MYO3B: variants seen among roughly 807,000 people sequenced by gnomAD.
MYO3B encodes myosin-IIIb.
In MYO3B, 156 loss-of-function variants were observed where a neutral mutation model predicts 174.6. That is an observed-to-expected ratio of 0.89 (90% confidence interval 0.78 to 1.02). The LOEUF (loss-of-function observed/expected upper bound fraction) is 1.02. Among genes scored for constraint, MYO3B ranks in the 50% least tolerant of loss-of-function variants. The pLI is 0.00. For synonymous variants in MYO3B, 563 were observed against 569.1 expected (o/e 0.99, Z 0.15); for missense variants, 1,632 against 1,639.4 (o/e 1.00, Z 0.08).
At position 170,386,132 on chromosome 2, in the gene MYO3B, A is replaced by G. The variant is rs942341428; in HGVS notation, c.1291-57A>G. 7 of 1,434,878 alleles carry G rather than the reference A, an allele frequency of 4.9e-6. No individual in the cohort carries two copies. The Admixed American group carries it at 6.8e-5, about 14-fold the overall frequency. 88.9% of individuals were successfully genotyped at this position (1,434,878 alleles called of 1,614,324 possible). A position where few individuals can be genotyped will look rare whatever the true frequency, so the allele number is the denominator to read the frequency against. ...TACAGTAGTGGATGTTATATGAAGCATGCAAGTTGCTTCTGTGCTATAAAT... is the reference window on the plus strand; with the variant it reads ...TACAGTAGTGGATGTTATATGAAGCGTGCAAGTTGCTTCTGTGCTATAAAT... On this transcript the variant is annotated intron_variant, in intron 12 of 34. Coordinates refer to ENST00000408978, the MANE Select transcript of MYO3B (RefSeq NM_138995.5).
intron 3 of MYO3B, among the ~76,000 whole-genome samples, chr2:170,211,603 A>T (rs192407391): frequency 9.1e-4 from 139 of 152,348 alleles, no homozygotes; most frequent in African/African-American, 3.2e-3. Context: ...GAAAAAGGCT[A>T]AGCGTTGTTC....
intron 8 of MYO3B, among the ~76,000 whole-genome samples, chr2:170,339,441 T>C (rs1159879567): frequency 6.6e-6 from 1 of 152,110 alleles, no homozygotes; most frequent in South Asian, 2.1e-4. Flanking sequence ...ACCAAAAGAT[T>C]TCGTATTGAC....
rs532274481 is a variant in MYO3B, at chr2:170,256,590, G to A, written c.749+20454G>A. On this transcript the variant is annotated intron_variant, in intron 7 of 34. Transcript: ENST00000408978. ...TTTTTTCCAGGTAGGTAATCATGAAGGAAATTGATTTCCACTAGCCTGCTA... is the reference window on the plus strand; with the variant it reads ...TTTTTTCCAGGTAGGTAATCATGAAAGAAATTGATTTCCACTAGCCTGCTA... Among the ~76,000 whole-genome samples the A allele has an allele frequency of 2.6e-5, 4 of 152,066 alleles. No homozygotes were observed. In the East Asian group the frequency reaches 7.7e-4, roughly 29 times the overall value.
chr2:170,629,749 C>G lies in MYO3B; in HGVS notation c.3734-21879C>G, dbSNP rs182261228. Among the ~76,000 whole-genome samples the G allele has an allele frequency of 2.6e-5, 4 of 152,276 alleles. No individual in the cohort carries two copies. The East Asian group carries it at 7.7e-4, about 29-fold the overall frequency. On this transcript the variant is annotated intron_variant, in intron 32 of 34. Transcript: ENST00000408978. The stretch of plus-strand genomic sequence containing the variant: ...CCTATAATCCCAGCTACTCACGAGG[C>G]TGAGACAGGAGAATCACTTGAACCT...
chr2:170,547,740 A>G (rs1575147421), intron 32 of MYO3B, among the ~76,000 whole-genome samples: 1 of 152,198 alleles, frequency 6.6e-6, no homozygotes, highest in South Asian at 2.1e-4. Context: ...TTGTGTCAAT[A>G]TCAAAACCCT....
At chr2:170,501,750 A>C in intron 27 of MYO3B, 35 bp from the exon 28 acceptor site, 1 of 1,426,916 alleles carries the variant, frequency 7.0e-7, no homozygotes, top group South Asian at 1.2e-5. Flanking sequence ...TTCTTAAATT[A>C]ATGTCATTCC....
chr2:170,582,823 A>G (rs1693237220), intron 32 of MYO3B, among the ~76,000 whole-genome samples: 1 of 151,806 alleles, frequency 6.6e-6, no homozygotes, highest in African/African-American at 2.4e-5. Context: ...GGCCCAGGGG[A>G]GAGAAACAAT....
intron 32 of MYO3B, among the ~76,000 whole-genome samples, chr2:170,598,216 C>G (rs1229899320): frequency 1.3e-5 from 2 of 152,186 alleles, no homozygotes; most frequent in Non-Finnish European, 2.9e-5. Context: ...ACGCAGTGCT[C>G]CTGGACCAGG....
intron 3 of MYO3B, among the ~76,000 whole-genome samples, chr2:170,210,997 G>C (rs2092764117): frequency 6.6e-6 from 1 of 152,164 alleles, no homozygotes; most frequent in African/African-American, 2.4e-5. Flanking sequence ...GGCCCTTTAA[G>C]AGACAGGGCT....
intron 9 of MYO3B, among the ~76,000 whole-genome samples, chr2:170,380,544 T>C (rs1438260219): frequency 6.6e-6 from 1 of 152,192 alleles, no homozygotes; most frequent in Non-Finnish European, 1.5e-5. Flanking sequence ...TAGCCAATGC[T>C]TTCCTCCTAA....
intron 1 of MYO3B, among the ~76,000 whole-genome samples, chr2:170,194,474 C>T (rs1327795549): frequency 6.7e-6 from 1 of 150,348 alleles, no homozygotes; most frequent in East Asian, 1.9e-4. Context: ...CACTGCACTC[C>T]AGCCTAGACA....
At chr2:170,549,007 G>A (rs1460434719) in intron 32 of MYO3B, among the ~76,000 whole-genome samples, 2 of 151,978 alleles carry the variant, frequency 1.3e-5, no homozygotes, top group African/African-American at 4.8e-5. Context: ...ATTTTTTTTA[G>A]GCAGTAAAAG....
intron 11 of MYO3B, 72 bp downstream of exon 11, chr2:170,383,261 G>A: frequency 3.3e-6 from 3 of 899,670 alleles, no homozygotes; most frequent in Admixed American, 2.0e-5. Context: ...TGAAGAGAAA[G>A]AAAAAGTAAG....
chr2:170,204,146 G>T (rs2092692138), intron 3 of MYO3B, among the ~76,000 whole-genome samples: 1 of 152,200 alleles, frequency 6.6e-6, no homozygotes, highest in East Asian at 1.9e-4. Context: ...GACTTTTGCT[G>T]GCTTTCATTA....
intron 7 of MYO3B, among the ~76,000 whole-genome samples, chr2:170,241,819 T>C (rs145375740): frequency 6.6e-6 from 1 of 152,198 alleles, no homozygotes; most frequent in African/African-American, 2.4e-5. Context: ...TTATCTTACA[T>C]AGGCATTTTT....
At chr2:170,362,018 C>T (rs1390420947) in intron 8 of MYO3B, among the ~76,000 whole-genome samples, 1 of 152,176 alleles carries the variant, frequency 6.6e-6, no homozygotes, top group Non-Finnish European at 1.5e-5. Flanking sequence ...ACTGAGGCTG[C>T]AACCCTGGGG....
chr2:170,234,198 C>A lies in MYO3B; in HGVS notation c.604-1793C>A, dbSNP rs2355348. Among the ~76,000 whole-genome samples the A allele has an allele frequency of 4.3e-3, 88 of 20,686 alleles. 2 individuals carry two copies. Among genetic ancestry groups the A allele is most frequent in the East Asian group, 5.2e-3 (6 of 1,152 alleles). The allele number at this position is 20,686 out of a possible 152,430, so 13.6% of individuals were successfully genotyped here. A position where few individuals can be genotyped will look rare whatever the true frequency, so the allele number is the denominator to read the frequency against. On this transcript the variant is annotated intron_variant, in intron 6 of 34. Transcript: ENST00000408978. Reference sequence around the variant, plus strand: ...AAAAAAAAAAAAAAACAAAACAAAACAAAAAAAAAACACCTGTTTCTTAGT... The same window carrying A: ...AAAAAAAAAAAAAAACAAAACAAAAAAAAAAAAAAACACCTGTTTCTTAGT...
At chr2:170,488,982 A>G (rs995395932) in intron 25 of MYO3B, among the ~76,000 whole-genome samples, 4 of 152,368 alleles carry the variant, frequency 2.6e-5, no homozygotes, top group Admixed American at 6.5e-5. Flanking sequence ...AAAGCCTGAT[A>G]TTCCAGATAC....
intron 25 of MYO3B, among the ~76,000 whole-genome samples, chr2:170,491,058 T>C (rs1431008565): frequency 6.6e-6 from 1 of 152,180 alleles, no homozygotes; most frequent in Non-Finnish European, 1.5e-5. Flanking sequence ...TTTCATTGAC[T>C]TCTACTTTGA....
Sources: allele counts gnomAD v4.1 joint callset (sites outside exome capture counted in the v4.1 genomes callset), GRCh38; gene constraint gnomAD v4.1.1; transcripts MANE v1.5; gene names NCBI Gene and HGNC (gene_info 2026-07-23, HGNC 2026-07-21).